DLGAP4: variants seen among roughly 807,000 people sequenced by gnomAD.
DLGAP4 encodes the protein DLG associated protein 4.
A neutral mutation model predicts 86.9 loss-of-function variants in DLGAP4; 18 were observed. The observed-to-expected ratio is 0.21, with a 90% CI of 0.14 to 0.31. The LOEUF (loss-of-function observed/expected upper bound fraction) is 0.31, where lower values mean the gene tolerates loss of function less well. Among genes scored for constraint, DLGAP4 ranks in the 10% least tolerant of loss-of-function variants. The probability of loss-of-function intolerance (pLI) is 1.00; values close to 1 mark genes in which losing one functional copy is unlikely to be tolerated. For synonymous variants in DLGAP4, 548 were observed against 574.3 expected, an observed-to-expected ratio of 0.95 and a Z score of 0.65; for missense variants, 1,085 against 1,362.6, an observed-to-expected ratio of 0.80 and a Z score of 3.21.
chr20:36,422,639 C>G (rs1013572220), intron 2 of DLGAP4, among the ~76,000 whole-genome samples: 2 of 152,090 alleles, frequency 1.3e-5, no homozygotes, highest in Non-Finnish European at 2.9e-5. Flanking sequence ...CTGGCCTTGT[C>G]CCTAATTAGC....
intron 6 of DLGAP4, among the ~76,000 whole-genome samples, chr20:36,444,915 C>T (rs1004389214): frequency 2.0e-5 from 3 of 151,846 alleles, no homozygotes; most frequent in African/African-American, 7.2e-5. Context: ...GCTGGGATTA[C>T]AGGCATGAGC....
Position 36,431,744 on chromosome 20 carries a change from C to A in DLGAP4, c.27C>A (p.Pro9=), listed in dbSNP as rs2033135597. Residue 9 remains proline, a synonymous_variant, in exon 3 of 13, where the codon CCC becomes CCA. Coordinates refer to ENST00000339266, the MANE Select transcript of DLGAP4 (RefSeq NM_001365621.2). This position sits in a 1 kb window ranked among gnomAD's most constrained non-coding sequence, Gnocchi z 5.1. The stretch of plus-strand genomic sequence containing the variant: ...TGAAAGGCCTCGGTGACAGCCGCCC[C>A]CGCCACCTCTCCGACAGCCTAGACC... MKGLGDSR[P]RHLSDSLDPP... is the part of the protein sequence containing the mutation. The A allele has an allele frequency of 6.2e-7, 1 of 1,603,512 alleles. No homozygotes were observed. Among genetic ancestry groups the A allele is most frequent in the Non-Finnish European group, 8.5e-7 (1 of 1,173,200 alleles).
chr20:36,307,609 C>T (rs906335883), intron 1 of DLGAP4, among the ~76,000 whole-genome samples: 1 of 152,156 alleles, frequency 6.6e-6, no homozygotes, highest in African/African-American at 2.4e-5. Flanking sequence ...AAGCCCTAAG[C>T]TTGGAGGGCA....
intron 1 of DLGAP4, among the ~76,000 whole-genome samples, chr20:36,354,358 T>C (rs1204628039): frequency 5.3e-5 from 8 of 152,178 alleles, no homozygotes; most frequent in Admixed American, 3.9e-4. Flanking sequence ...CAAACAGCTT[T>C]ATTTGAGTAC....
chr20:36,423,455 C>CAAAAA (rs11434258), intron 2 of DLGAP4, among the ~76,000 whole-genome samples: 3 of 16,338 alleles, frequency 1.8e-4, no homozygotes, highest in East Asian at 3.3e-3. Flanking sequence ...GACTCCGTCT[C>CAAAAA]AAAAAAAAAA....
chr20:36,438,004 A>C (rs946583788), intron 4 of DLGAP4, among the ~76,000 whole-genome samples: 3 of 152,128 alleles, frequency 2.0e-5, no homozygotes, highest in African/African-American at 7.2e-5. Context: ...CCTGTGCTCA[A>C]GCAGTCCTCC....
At chr20:36,421,979 G>T (rs2032841994) in intron 2 of DLGAP4, among the ~76,000 whole-genome samples, 1 of 152,116 alleles carries the variant, frequency 6.6e-6, no homozygotes, top group South Asian at 2.1e-4. Context: ...AGAGCACCCG[G>T]GTCCTCTAGC....
At chr20:36,418,496 T>A (rs772084916) in intron 2 of DLGAP4, among the ~76,000 whole-genome samples, 47 of 152,134 alleles carry the variant, frequency 3.1e-4, no homozygotes, top group Non-Finnish European at 6.6e-4. Context: ...AGTTCTTAGG[T>A]CTGTGTTTTC....
At chr20:36,453,364 CAG>C (rs2033791077) in intron 7 of DLGAP4, among the ~76,000 whole-genome samples, 2 of 152,152 alleles carry the variant, frequency 1.3e-5, no homozygotes, top group Non-Finnish European at 2.9e-5. Context: ...TAAAAAGAAA[CAG>C]AGGCTGGGTG....
At chr20:36,467,064 C>CTCTCTCTCTCTCTCCCCCTCTCT (rs1555907464) in intron 7 of DLGAP4, among the ~76,000 whole-genome samples, 3 of 118,144 alleles carry the variant, frequency 2.5e-5, no homozygotes, top group African/African-American at 1.5e-4. Flanking sequence ...CTCTCTCTCT[C>CTCTCTCTCTCTCTCCCCCTCTCT]CCCCCCCCTT....
rs571274661 is a variant in DLGAP4 at position 36,419,994 on chromosome 20, G to A, written c.-72-11652G>A. On this transcript the variant is annotated intron_variant, in intron 2 of 12. Coordinates refer to ENST00000339266, the MANE Select transcript of DLGAP4 (RefSeq NM_001365621.2). ...AATATTCCCAGCAGGAGGAGTTGTA[G>A]TGAGGATTAAATGAGCTCACATAAT... Among the ~76,000 whole-genome samples the A allele has an allele frequency of 3.9e-5, 5 of 127,766 alleles. No individual in the cohort carries two copies. In the South Asian group the frequency reaches 1.5e-3, roughly 38 times the overall value. 83.8% of individuals were successfully genotyped at this position (127,766 alleles called of 152,430 possible). A position where few individuals can be genotyped will look rare whatever the true frequency, so the allele number is the denominator to read the frequency against.
chr20:36,518,170 T>G (rs1333514130), intron 10 of DLGAP4, among the ~76,000 whole-genome samples: 1 of 151,268 alleles, frequency 6.6e-6, no homozygotes, highest in Non-Finnish European at 1.5e-5. Context: ...TGCAGTGAGC[T>G]GAGATCCCAC....
intron 10 of DLGAP4, among the ~76,000 whole-genome samples, chr20:36,513,484 C>T (rs1479174470): frequency 1.1e-4 from 16 of 142,230 alleles, no homozygotes; most frequent in African/African-American, 3.7e-4. Flanking sequence ...GGAAGCGGAG[C>T]TTGCAGTGAG....
Position 36,427,814 on chromosome 20 carries a change from G to A in DLGAP4, c.-72-3832G>A, listed in dbSNP as rs185179780. 1.4e-3 allele frequency among the ~76,000 whole-genome samples: 215 copies of A among 151,924 alleles called. 1 individual carries two copies. Among genetic ancestry groups the A allele is most frequent in the Non-Finnish European group, 2.5e-3 (170 of 67,960 alleles). Reference sequence around the variant, plus strand: ...AAAAATTAGCTGGGCGTGGTGGTGCGTGCCTATAATCCCGGCTACTAGTTA... The same window carrying A: ...AAAAATTAGCTGGGCGTGGTGGTGCATGCCTATAATCCCGGCTACTAGTTA... On this transcript the variant is annotated intron_variant, in intron 2 of 12. Transcript: ENST00000339266.
chr20:36,385,384 T>G (rs2031558624), intron 2 of DLGAP4, among the ~76,000 whole-genome samples: 1 of 151,986 alleles, frequency 6.6e-6, no homozygotes, highest in South Asian at 2.1e-4. Flanking sequence ...GAGAGTGGGT[T>G]GAAAAGGGCT....
At chr20:36,401,458 C>T (rs1012173311) in intron 2 of DLGAP4, among the ~76,000 whole-genome samples, 1 of 152,234 alleles carries the variant, frequency 6.6e-6, no homozygotes, top group Non-Finnish European at 1.5e-5. Context: ...GGTGTCACCT[C>T]AGGCAGGCGG....
Position 36,499,642 on chromosome 20 carries a change from C to T in DLGAP4, c.2065C>T (p.Gln689Ter). The T allele has an allele frequency of 6.2e-7, 1 of 1,613,994 alleles. No homozygotes were observed. Among genetic ancestry groups the T allele is most frequent in the Non-Finnish European group, 8.5e-7 (1 of 1,179,978 alleles). ...GGAGCCCAGTCCCGCTACCAAATTCCAGTCCATCGGGGTTCAGGTAGAGGA... is the reference window on the plus strand; with the variant it reads ...GGAGCCCAGTCCCGCTACCAAATTCTAGTCCATCGGGGTTCAGGTAGAGGA... The part of the protein sequence containing the change: ...KEEPSPATKF[Q>*]SIGVQVEDDW... Residue 689 changes from glutamine (Q) to a stop codon, truncating the protein, a stop_gained, in exon 9 of 13, where the codon CAG becomes TAG. Transcript: ENST00000339266. LOFTEE classifies it high-confidence loss of function.
intron 1 of DLGAP4, among the ~76,000 whole-genome samples, chr20:36,328,839 G>A (rs757862707): frequency 6.6e-6 from 1 of 151,640 alleles, no homozygotes; most frequent in South Asian, 2.1e-4. Context: ...ACAGTGGCGC[G>A]ATCTTGGCTC....
intron 2 of DLGAP4, among the ~76,000 whole-genome samples, chr20:36,409,414 CTT>C (rs763499914): frequency 0.054 from 7,026 of 130,546 alleles, 238 homozygotes; most frequent in African/African-American, 0.097. Flanking sequence ...TTTTTTAACT[CTT>C]TTTTTTTTTT....
Sources: gnomAD v4.1 joint callset for allele counts (sites outside exome capture counted in the v4.1 genomes callset) on GRCh38, gnomAD v4.1.1 for gene constraint, Gnocchi (gnomAD v3.1) non-coding constraint, MANE v1.5 for transcripts, NCBI Gene and HGNC (gene_info 2026-07-23, HGNC 2026-07-21) for gene names.